The following ARL9 variants were observed in gnomAD, a reference collection of about 807,000 sequenced individuals.
ARL9 encodes the protein ADP-ribosylation factor-like protein 9.
Under a neutral mutation model 27.0 loss-of-function variants are expected in ARL9, and 14 were observed. The observed-to-expected ratio is 0.52, with a 90% CI of 0.34 to 0.81. The LOEUF (loss-of-function observed/expected upper bound fraction) is 0.81, where lower values mean the gene tolerates loss of function less well. Ranked by LOEUF, ARL9 falls within the 30% of genes least tolerant of loss-of-function variation. ARL9 has a pLI of 0.01. For missense variants in ARL9, 294 were observed against 290.0 expected, an observed-to-expected ratio of 1.01 and a Z score of -0.10; for synonymous variants, 106 against 108.7, an observed-to-expected ratio of 0.98 and a Z score of 0.15.
chr4:56,521,599 T>TGACA (rs1721919955), intron 3 of ARL9, among the ~76,000 whole-genome samples: 1 of 152,220 alleles, frequency 6.6e-6, no homozygotes, highest in African/African-American at 2.4e-5. Context: ...CAGCAGAATA[T>TGACA]GACAGTTTTT....
intron 2 of ARL9, among the ~76,000 whole-genome samples, chr4:56,512,232 C>T (rs181524168): frequency 1.1e-4 from 17 of 152,288 alleles, no homozygotes; most frequent in African/African-American, 3.6e-4. Flanking sequence ...TATCTGTTTA[C>T]GAAGAGAAGT....
intron 3 of ARL9, among the ~76,000 whole-genome samples, chr4:56,523,485 T>G (rs1260262181): frequency 6.6e-6 from 1 of 152,066 alleles, no homozygotes; most frequent in Non-Finnish European, 1.5e-5. Context: ...CAGAATATAC[T>G]TTTTTTTGGA....
In ARL9 at chr4:56,518,851, C is replaced by T; in HGVS notation, c.616C>T (p.Gln206Ter). 1.9e-6 allele frequency: 3 copies of T among 1,612,778 alleles called. No homozygotes were observed. In the South Asian group the frequency reaches 3.3e-5, roughly 18 times the overall value. Residue 206 changes from glutamine (Q) to a stop codon, truncating the protein, a stop_gained and splice_region_variant, in exon 3 of 4, where the codon CAG becomes TAG. Transcript: ENST00000640821. LOFTEE classifies it high-confidence loss of function. ...TCCTCTGGTTGTGTTTGCAAACAAACAGGTAAAAATCTGTGCAAATATAAA... is the reference window on the plus strand; with the variant it reads ...TCCTCTGGTTGTGTTTGCAAACAAATAGGTAAAAATCTGTGCAAATATAAA... ...VLPLVVFANK[Q>*]DLEAAYHITD... is the part of the protein sequence containing the mutation.
At chr4:56,515,034 C>T (rs1004363725) in intron 2 of ARL9, among the ~76,000 whole-genome samples, 1 of 151,992 alleles carries the variant, frequency 6.6e-6, no homozygotes, top group Non-Finnish European at 1.5e-5. Context: ...GGATCACTCA[C>T]CTAAAGTCAG....
At chr4:56,516,584 C>CAAAAAAAAAAAAAAAAAAAAAAAAGA (rs10718013) in intron 2 of ARL9, among the ~76,000 whole-genome samples, 1 of 120,848 alleles carries the variant, frequency 8.3e-6, no homozygotes, top group Admixed American at 9.0e-5. Flanking sequence ...TCAAATTAGG[C>CAAAAAAAAAAAAAAAAAAAAAAAAGA]AAAAAAAAAA....
At chr4:56,512,790 C>G (rs1721672684) in intron 2 of ARL9, among the ~76,000 whole-genome samples, 2 of 152,110 alleles carry the variant, frequency 1.3e-5, no homozygotes, top group African/African-American at 4.8e-5. Context: ...GATCCACCCA[C>G]CTTAGCCTCC....
chr4:56,514,595 T>C (rs1191407996), intron 2 of ARL9, among the ~76,000 whole-genome samples: 1 of 152,170 alleles, frequency 6.6e-6, no homozygotes, highest in African/African-American at 2.4e-5. Flanking sequence ...GCAAAAATCC[T>C]CCAAACATGT....
intron 2 of ARL9, among the ~76,000 whole-genome samples, chr4:56,516,728 C>T (rs1721778142): frequency 6.6e-6 from 1 of 152,050 alleles, no homozygotes. Flanking sequence ...TTCAAGGGTT[C>T]AAGACCAGCC....
chr4:56,518,743 T>C lies in ARL9; in HGVS notation c.508T>C (p.Phe170Leu). The C allele has an allele frequency of 6.2e-7, 1 of 1,614,010 alleles. No homozygotes were observed. The highest frequency in any genetic ancestry group is 8.5e-7 in the Non-Finnish European group (1 of 1,179,860). ...CCTATCCAAGGGATTGCTGCTGATCTTTGTGGTGGATTCAGCAGATCACAG... is the reference window on the plus strand; with the variant it reads ...CCTATCCAAGGGATTGCTGCTGATCCTTGTGGTGGATTCAGCAGATCACAG... ...MYLSKGLLLI[F>L]VVDSADHSRL... Residue 170 changes from phenylalanine to leucine, a missense_variant, in exon 3 of 4, where the codon TTT becomes CTT. Transcript: ENST00000640821.
upstream of ARL9, chr4:56,505,752 C>T (rs929377917): frequency 7.2e-6 from 10 of 1,395,630 alleles, no homozygotes; most frequent in Non-Finnish European, 7.4e-6. Context: ...GTCTACGCCG[C>T]GGGGCCTACG....
At chr4:56,506,415 A>G (rs1354183577) in intron 1 of ARL9, among the ~76,000 whole-genome samples, 2 of 152,152 alleles carry the variant, frequency 1.3e-5, no homozygotes, top group Admixed American at 6.5e-5. Context: ...CTCGGTCTTC[A>G]TGGGGACATG....
At position 56,505,922 on chromosome 4, in the gene ARL9, CG is replaced by C; in HGVS notation, c.62del (p.Gly21GlufsTer9). Reference sequence around the variant, plus strand: ...AAAAGGAGACGCAGGAGGAGAAAATCGGAGAAAAGGGTAGGGAAGAGAAAGT... The same window carrying C: ...AAAAGGAGACGCAGGAGGAGAAAATCGAGAAAAGGGTAGGGAAGAGAAAGT... ...KEKETQEEKI[G>X]EKGREEKVKR... On this transcript the variant is annotated frameshift_variant, in exon 1 of 4. Coordinates refer to ENST00000640821, the MANE Select transcript of ARL9 (RefSeq NM_001363794.2). LOFTEE classifies it high-confidence loss of function. 8.1e-7 allele frequency: 1 copy of C among 1,238,164 alleles called. No individual in the cohort carries two copies. Among genetic ancestry groups the C allele is most frequent in the Non-Finnish European group, 1.0e-6 (1 of 989,814 alleles). The allele number at this position is 1,238,164 out of a possible 1,614,324, so 76.7% of individuals were successfully genotyped here.
chr4:56,506,236 G>A (rs1721456444), intron 1 of ARL9, 95 bp downstream of exon 1: 9 of 1,170,330 alleles, frequency 7.7e-6, no homozygotes, highest in Non-Finnish European at 9.7e-6. Flanking sequence ...GCCCCCGACC[G>A]CGTGGGAGCG....
upstream of ARL9, chr4:56,505,640 T>C (rs1721431143): frequency 1.4e-6 from 1 of 707,728 alleles, no homozygotes; most frequent in African/African-American, 1.8e-5. Flanking sequence ...CTTCCCTCTT[T>C]GCGAACCCCT....
In ARL9 at chr4:56,506,090, GAA is replaced by G. The variant is rs1721451883; in HGVS notation, c.230_231del (p.Lys77ArgfsTer62). The G allele has an allele frequency of 8.1e-7, 1 of 1,234,484 alleles. No homozygotes were observed. Among genetic ancestry groups the G allele is most frequent in the Non-Finnish European group, 1.0e-6 (1 of 989,700 alleles). The allele number at this position is 1,234,484 out of a possible 1,614,324, so 76.5% of individuals were successfully genotyped here. On this transcript the variant is annotated frameshift_variant, in exon 1 of 4. Coordinates refer to ENST00000640821, the MANE Select transcript of ARL9 (RefSeq NM_001363794.2). LOFTEE classifies it high-confidence loss of function. ...EKEQFKGQEE[K>X]GENKDSTLTR... ...AGGAACAATTTAAGGGACAAGAAGA[GAA>G]AGGGGAGAACAAGGACAGCACCTTG...
At chr4:56,521,738 T>A (rs1404165746) in intron 3 of ARL9, among the ~76,000 whole-genome samples, 2 of 152,252 alleles carry the variant, frequency 1.3e-5, no homozygotes, top group African/African-American at 4.8e-5. Flanking sequence ...GAACATTTTT[T>A]CAGATGTTTA....
intron 2 of ARL9, among the ~76,000 whole-genome samples, chr4:56,512,766 T>G (rs1168710389): frequency 6.6e-6 from 1 of 152,022 alleles, no homozygotes; most frequent in Non-Finnish European, 1.5e-5. Flanking sequence ...GGTCTCGAAC[T>G]CCTGACCTCA....
At chr4:56,513,690 A>T (rs1721697297) in intron 2 of ARL9, among the ~76,000 whole-genome samples, 1 of 152,172 alleles carries the variant, frequency 6.6e-6, no homozygotes, top group African/African-American at 2.4e-5. Flanking sequence ...AAGTGGTGTT[A>T]TCTAGAGGCA....
Position 56,511,246 on chromosome 4 carries a change from A to G in ARL9, c.341A>G (p.His114Arg), listed in dbSNP as rs1721627529. The G allele has an allele frequency of 1.2e-6, 2 of 1,613,524 alleles. No homozygotes were observed. The highest frequency in any genetic ancestry group is 1.7e-6 in the Non-Finnish European group (2 of 1,179,718). Residue 114 changes from histidine to arginine, a missense_variant, in exon 2 of 4, where the codon CAC becomes CGC. Physicochemically the swap from His to Arg is conservative, Grantham distance 29. Coordinates refer to ENST00000640821, the MANE Select transcript of ARL9 (RefSeq NM_001363794.2). ...LDGAGKTSVLHSLASNRVQHS... is the reference protein window; with the variant it reads ...LDGAGKTSVLRSLASNRVQHS... Reference sequence around the variant, plus strand: ...GGAGCAGGAAAAACCAGTGTCCTGCACTCTCTAGCTTCAAACAGAGTCCAG... The same window carrying G: ...GGAGCAGGAAAAACCAGTGTCCTGCGCTCTCTAGCTTCAAACAGAGTCCAG...
Sources: allele counts gnomAD v4.1 joint callset (sites outside exome capture counted in the v4.1 genomes callset), GRCh38; gene constraint gnomAD v4.1.1; transcripts MANE v1.5; gene names NCBI Gene and HGNC (gene_info 2026-07-23, HGNC 2026-07-21).